Variants in GREB1L observed in about 807,000 individuals in gnomAD.
The protein encoded by GREB1L is GREB1 like retinoic acid receptor coactivator, also known as GREB1-like protein.
Under a neutral mutation model 200.8 loss-of-function variants are expected in GREB1L, and 17 were observed. The observed-to-expected ratio is 0.08, with a 90% CI of 0.06 to 0.13. The LOEUF (loss-of-function observed/expected upper bound fraction) is 0.13. Ranked by LOEUF, GREB1L falls within the 10% of genes least tolerant of loss-of-function variation. The pLI, the probability that GREB1L is intolerant of heterozygous loss-of-function variation, is 1.00. For synonymous variants in GREB1L, 789 were observed against 893.0 expected (o/e 0.88, Z 2.08); for missense variants, 1,657 against 2,367.7 (o/e 0.70, Z 6.23).
intron 19 of GREB1L, among the ~76,000 whole-genome samples, chr18:21,495,294 C>A (rs1032321177): frequency 2.0e-5 from 3 of 152,142 alleles, no homozygotes; most frequent in African/African-American, 7.2e-5. Flanking sequence ...CTTCCAATCC[C>A]AAGAATTTCT....
Position 21,505,467 on chromosome 18 carries a change from C to G in GREB1L, c.4128C>G (p.Ile1376Met). Reference sequence around the variant, plus strand: ...CAGAGGGAGAGCCCTGGCCTGACATCGAGAGCTTCAGTAAAATGCCTTTTG... The same window carrying G: ...CAGAGGGAGAGCCCTGGCCTGACATGGAGAGCTTCAGTAAAATGCCTTTTG... ...SQSEGEPWPD[I>M]ESFSKMPFDV... is the part of the protein sequence containing the mutation. The change falls in exon 24 of 33, where the codon ATC becomes ATG. Residue 1376 changes from isoleucine (I) to methionine (M), a missense_variant. Transcript: ENST00000424526. The G allele has an allele frequency of 6.4e-7, 1 of 1,551,578 alleles. No individual in the cohort carries two copies. The highest frequency in any genetic ancestry group is 8.7e-7 in the Non-Finnish European group (1 of 1,146,960).
chr18:21,455,227 T>G (rs1480875093), intron 15 of GREB1L: 2 of 152,244 alleles, frequency 1.3e-5, no homozygotes, highest in African/African-American at 4.8e-5. Flanking sequence ...ATTTAGAAAC[T>G]TGAAACAGCT....
At chr18:21,431,708 G>C (rs754184220) in intron 7 of GREB1L, among the ~76,000 whole-genome samples, 1 of 151,896 alleles carries the variant, frequency 6.6e-6, no homozygotes, top group Non-Finnish European at 1.5e-5. Flanking sequence ...ATTGAAAGTG[G>C]GGTATTGAAG....
At chr18:21,381,665 C>T (rs546239393) in intron 2 of GREB1L, among the ~76,000 whole-genome samples, 1 of 152,226 alleles carries the variant, frequency 6.6e-6, no homozygotes, top group South Asian at 2.1e-4. Context: ...ATTCCATGTA[C>T]ACATATGAGT....
chr18:21,321,870 A>G (rs532418197), intron 1 of GREB1L, among the ~76,000 whole-genome samples: 1 of 152,352 alleles, frequency 6.6e-6, no homozygotes, highest in Non-Finnish European at 1.5e-5. Flanking sequence ...TAAAAAAGTA[A>G]CAAAAGATGG....
intron 1 of GREB1L, among the ~76,000 whole-genome samples, chr18:21,326,254 C>CA (rs748582649): frequency 3.4e-5 from 5 of 147,952 alleles, no homozygotes; most frequent in Middle Eastern, 3.4e-3. Flanking sequence ...CATGCAAAAA[C>CA]AAAAAAAAAG....
At chr18:21,247,981 G>A (rs2037635387) in intron 1 of GREB1L, among the ~76,000 whole-genome samples, 1 of 152,034 alleles carries the variant, frequency 6.6e-6, no homozygotes, top group South Asian at 2.1e-4. Context: ...AAACCTCAGC[G>A]CCCACTAAAA....
At chr18:21,468,207 A>G (rs2035341801) in intron 15 of GREB1L, among the ~76,000 whole-genome samples, 1 of 152,228 alleles carries the variant, frequency 6.6e-6, no homozygotes, top group African/African-American at 2.4e-5. Context: ...TTAACAATAA[A>G]GAGAAATAAA....
intron 1 of GREB1L, among the ~76,000 whole-genome samples, chr18:21,309,389 G>A (rs915848692): frequency 2.0e-5 from 3 of 152,332 alleles, no homozygotes; most frequent in African/African-American, 7.2e-5. Context: ...CCCCTGCCCA[G>A]TTGGGAAGGC....
rs1567975815 is a variant in GREB1L, at chr18:21,395,433, A to G, written c.404A>G (p.Glu135Gly). ...KDLRLVSLCM[E>G]QIDIPAGFLL... is the part of the protein sequence containing the mutation. ...TTGCGTTTGGTATCACTGTGTATGG[A>G]ACAAATTGACATCCCAGCAGGATTC... The change falls in exon 5 of 33, where the codon GAA (glutamate) becomes GGA (glycine). Residue 135 changes from glutamate (E) to glycine (G), a missense_variant. By Grantham distance (98) the Glu-to-Gly change is moderately conservative. Around this residue, in one of 9 missense-constraint regions of GREB1L, gnomAD observed 70 missense variants for 151.3 expected, o/e 0.46. Transcript: ENST00000424526. 2.6e-6 allele frequency: 4 copies of G among 1,551,090 alleles called. No individual in the cohort carries two copies. Among genetic ancestry groups the G allele is most frequent in the Non-Finnish European group, 3.5e-6 (4 of 1,146,850 alleles).
intron 1 of GREB1L, among the ~76,000 whole-genome samples, chr18:21,349,732 C>G (rs2039405694): frequency 6.6e-6 from 1 of 152,098 alleles, no homozygotes; most frequent in Non-Finnish European, 1.5e-5. Flanking sequence ...CCATCACCAC[C>G]AGATGGGATC....
chr18:21,336,289 T>C (rs1245575559), intron 1 of GREB1L, among the ~76,000 whole-genome samples: 1 of 152,288 alleles, frequency 6.6e-6, no homozygotes, highest in Middle Eastern at 3.4e-3. Flanking sequence ...AAATAAACTT[T>C]ACTTCTTCAC....
chr18:21,392,777 T>A (rs1200629160), intron 4 of GREB1L, among the ~76,000 whole-genome samples: 4 of 150,688 alleles, frequency 2.7e-5, no homozygotes, highest in Admixed American at 1.3e-4. Context: ...TTTTTTTCTT[T>A]AAAAAAAAAA....
chr18:21,318,375 G>A (rs1380275528), intron 1 of GREB1L, among the ~76,000 whole-genome samples: 2 of 151,992 alleles, frequency 1.3e-5, no homozygotes, highest in Admixed American at 6.6e-5. Context: ...TAGGTTTTTC[G>A]GATTTTGTTT....
At chr18:21,454,257 G>A in intron 14 of GREB1L, 109 bp from the exon 15 acceptor site, 2 of 701,278 alleles carry the variant, frequency 2.9e-6, no homozygotes, top group South Asian at 3.8e-5. Flanking sequence ...AATTCGTAGT[G>A]AGAGTGTATT....
At position 21,462,176 on chromosome 18, in the gene GREB1L, G is replaced by A. The variant is rs989426656; in HGVS notation, c.2182+7613G>A. Among the ~76,000 whole-genome samples, 15 of 152,308 alleles carry A rather than the reference G, an allele frequency of 9.8e-5. No individual in the cohort carries two copies. In the East Asian group the frequency reaches 1.2e-3, roughly 12 times the overall value. The stretch of plus-strand genomic sequence containing the variant: ...GTACCACCATCAGTGCCGCAGGTGC[G>A]CCCTGCTGATATCCATGTTTTATTG... On this transcript the variant is annotated intron_variant, in intron 15 of 32. Coordinates refer to ENST00000424526, the MANE Select transcript of GREB1L (RefSeq NM_001142966.3).
chr18:21,449,514 T>C lies in GREB1L; in HGVS notation c.1398T>C (p.Pro466=). Residue 466 remains proline, a synonymous_variant, in exon 12 of 33, where the codon CCT becomes CCC. Coordinates refer to ENST00000424526, the MANE Select transcript of GREB1L (RefSeq NM_001142966.3). The part of the protein sequence containing the change: ...LTIQYLVRLG[P]DQVPLREEFE... ...CTGTAATTCTCTTCTATATAGGTCC[T>C]GATCAGGTACCTCTCAGGGAAGAAT... The C allele has an allele frequency of 6.5e-7, 1 of 1,532,688 alleles. No individual in the cohort carries two copies. Among genetic ancestry groups the C allele is most frequent in the Non-Finnish European group, 8.8e-7 (1 of 1,135,600 alleles). The allele number at this position is 1,532,688 out of a possible 1,614,324, so 94.9% of individuals were successfully genotyped here. A position where few individuals can be genotyped will look rare whatever the true frequency, so the allele number is the denominator to read the frequency against.
chr18:21,443,437 C>A (rs1035869524), intron 10 of GREB1L, among the ~76,000 whole-genome samples: 2 of 152,130 alleles, frequency 1.3e-5, no homozygotes, highest in African/African-American at 4.8e-5. Context: ...AAACTCCCGA[C>A]CTCAGGTGAT....
At chr18:21,334,019 A>G (rs531444256) in intron 1 of GREB1L, among the ~76,000 whole-genome samples, 2 of 152,096 alleles carry the variant, frequency 1.3e-5, no homozygotes, top group East Asian at 1.9e-4. Flanking sequence ...TAGTGACTGT[A>G]CCACTTTAGA....
Sources: gnomAD v4.1 joint callset for allele counts (sites outside exome capture counted in the v4.1 genomes callset) on GRCh38, gnomAD v4.1.1 for gene constraint, gnomAD v4.1.1 regional missense constraint, MANE v1.5 for transcripts, NCBI Gene and HGNC (gene_info 2026-07-23, HGNC 2026-07-21) for gene names.